The following BRCA1 variants were observed in gnomAD, a reference collection of about 807,000 sequenced individuals.
BRCA1 encodes the protein breast cancer type 1 susceptibility protein.
A neutral mutation model predicts 173.7 loss-of-function variants in BRCA1; 140 were observed. That is an observed-to-expected ratio of 0.81 (90% CI 0.70 to 0.93). BRCA1 has a LOEUF of 0.93. Ranked by LOEUF, BRCA1 falls within the 40% of genes least tolerant of loss-of-function variation. The pLI is 0.00. For synonymous variants in BRCA1, 662 were observed against 756.0 expected (o/e 0.88, Z 2.04); for missense variants, 1,983 against 2,172.5 (o/e 0.91, Z 1.73).
chr17:43,076,702 C>T (rs2052752652), intron 12 of BRCA1, 88 bp from the exon 13 acceptor site: 2 of 1,511,558 alleles, frequency 1.3e-6, no homozygotes, highest in African/African-American at 1.4e-5. Context: ...TTTTCAAAAG[C>T]ATCAATCTAT....
chr17:43,077,580 C>T lies in BRCA1; in HGVS notation c.4358-966G>A, dbSNP rs529272463. ...AACTCCTGACCTCAAGTGATCCACC[C>T]GCCTTGGCCTCCCAAAGTGCGGGGA... On this transcript the variant is annotated intron_variant, in intron 12 of 22. Transcript: ENST00000357654. 5.3e-5 allele frequency among the ~76,000 whole-genome samples: 8 copies of T among 151,890 alleles called. No individual in the cohort carries two copies. The East Asian group carries it at 1.6e-3, about 30-fold the overall frequency.
At chr17:43,067,065 G>T (rs971922978) in intron 16 of BRCA1, among the ~76,000 whole-genome samples, 3 of 151,482 alleles carry the variant, frequency 2.0e-5, no homozygotes, top group Non-Finnish European at 4.4e-5. Context: ...TGATCCACCC[G>T]CCTCGGCCTC....
chr17:43,105,794 C>T (rs2054735361), intron 4 of BRCA1, among the ~76,000 whole-genome samples: 1 of 152,060 alleles, frequency 6.6e-6, no homozygotes, highest in South Asian at 2.1e-4. Context: ...ATAGAATTTA[C>T]ATTGTAGCAG....
intron 1 of BRCA1, among the ~76,000 whole-genome samples, chr17:43,135,435 T>C (rs1466378080): frequency 1.3e-5 from 2 of 152,228 alleles, no homozygotes; most frequent in East Asian, 3.9e-4. Flanking sequence ...TATTAGGCTA[T>C]AGGGCCAGTG....
chr17:43,054,284 C>T (rs1445562911), intron 19 of BRCA1, among the ~76,000 whole-genome samples: 1 of 152,206 alleles, frequency 6.6e-6, no homozygotes, highest in East Asian at 1.9e-4. Context: ...GGAACAATTA[C>T]TTGATAGGCT....
At chr17:43,138,741 T>C in intron 1 of BRCA1, 2 of 779,182 alleles carry the variant, frequency 2.6e-6, no homozygotes, top group South Asian at 2.7e-5. Flanking sequence ...GAATTTGGAA[T>C]GTGGAAAGGA....
chr17:43,096,022 A>G, intron 8 of BRCA1, 100 bp from the exon 9 acceptor site: 1 of 954,308 alleles, frequency 1.0e-6, no homozygotes, highest in Non-Finnish European at 1.6e-6. Flanking sequence ...TCGATTACAG[A>G]AAGCTGACCA....
exon 1 of BRCA1, chr17:43,170,147 C>A (rs2056318253): frequency 8.7e-6 from 2 of 229,424 alleles, no homozygotes; most frequent in Middle Eastern, 1.3e-3. Flanking sequence ...AGGGTCTCAC[C>A]CCAACGCGGC....
chr17:43,088,093 T>C (rs1301043325), intron 11 of BRCA1, among the ~76,000 whole-genome samples: 1 of 152,200 alleles, frequency 6.6e-6, no homozygotes, highest in Non-Finnish European at 1.5e-5. Context: ...CAAGCACCCC[T>C]GTGCACACAC....
rs397507198 is a variant in BRCA1, at chr17:43,093,250, C to G, written c.2281G>C (p.Glu761Gln). ...MLSGERVLQT[E>Q]RSVESSSISL... ...ATACTGCTACTCTCTACAGATCTTTCAGTTTGCAAAACCCTTTCTCCACTT... is the reference window on the plus strand; with the variant it reads ...ATACTGCTACTCTCTACAGATCTTTGAGTTTGCAAAACCCTTTCTCCACTT... Residue 761 changes from glutamate to glutamine, a missense_variant, in exon 10 of 23, where the codon GAA becomes CAA. Coordinates refer to ENST00000357654, the MANE Select transcript of BRCA1 (RefSeq NM_007294.4). 1 of 1,614,086 alleles carries G rather than the reference C, an allele frequency of 6.2e-7. No individual in the cohort carries two copies. The highest frequency in any genetic ancestry group is 1.1e-5 in the South Asian group (1 of 91,076).
Position 43,095,904 on chromosome 17 carries a change from C to T in BRCA1, c.612G>A (p.Leu204=), listed in dbSNP as rs80357394. The T allele has an allele frequency of 6.2e-7, 1 of 1,613,546 alleles. No individual in the cohort carries two copies. The highest frequency in any genetic ancestry group is 8.5e-7 in the Non-Finnish European group (1 of 1,179,604). The stretch of plus-strand genomic sequence containing the variant: ...TGGTTCCTTGAGGGGTGATTTGTAA[C>T]AATTCTTGATCTCCCACACTATAGG... ...ATYCSVGDQE[L]LQITPQGTRD... The change falls in exon 9 of 23, where the codon TTG becomes TTA. Residue 204 remains leucine (L), a synonymous_variant. Transcript: ENST00000357654.
chr17:43,126,647 G>A (rs1208071615), upstream of BRCA1, among the ~76,000 whole-genome samples: 1 of 152,234 alleles, frequency 6.6e-6, no homozygotes, highest in Non-Finnish European at 1.5e-5. Flanking sequence ...CCGGAGAGTT[G>A]GAGAGTCTGT....
intron 1 of BRCA1, among the ~76,000 whole-genome samples, chr17:43,137,914 C>T (rs534167711): frequency 2.6e-5 from 4 of 151,938 alleles, no homozygotes; most frequent in Admixed American, 6.6e-5. Context: ...AGGCCGGGCG[C>T]GGTGTCTCGC....
chr17:43,161,142 CA>C (rs1347242136), intron 1 of BRCA1: 2 of 152,190 alleles, frequency 1.3e-5, no homozygotes, highest in African/African-American at 4.8e-5. Flanking sequence ...CAGCTGCTAG[CA>C]AGTAGTCGAG....
At chr17:43,067,772 G>T (rs2153724478) in intron 15 of BRCA1, 77 bp from the exon 16 acceptor site, 2 of 1,128,308 alleles carry the variant, frequency 1.8e-6, no homozygotes, top group Non-Finnish European at 2.7e-6. Flanking sequence ...TTCCACCATG[G>T]CATATGTTTA....
chr17:43,093,915 G>A lies in BRCA1; in HGVS notation c.1616C>T (p.Thr539Met), dbSNP rs80357374. The stretch of plus-strand genomic sequence containing the variant: ...ATTCATCACTTGACCATTCTGCTCC[G>A]TTTGGTTAGTTCCCTGATTTATCAT... The part of the protein sequence containing the change: ...PEMINQGTNQ[T>M]EQNGQVMNIT... The change falls in exon 10 of 23, where the codon ACG (threonine) becomes ATG (methionine). Residue 539 changes from threonine to methionine, a missense_variant. Thr to Met is a moderately conservative substitution (Grantham distance 81). Coordinates refer to ENST00000357654, the MANE Select transcript of BRCA1 (RefSeq NM_007294.4). 81 of 1,613,808 alleles carry A rather than the reference G, an allele frequency of 5.0e-5. No homozygotes were observed. Among genetic ancestry groups the A allele is most frequent in the Middle Eastern group, 5.0e-4 (3 of 6,052 alleles).
intron 18 of BRCA1, among the ~76,000 whole-genome samples, chr17:43,058,019 C>CAAA (rs68106056): frequency 0.011 from 384 of 34,462 alleles, 52 homozygotes; most frequent in African/African-American, 0.034. Context: ...AACTCTGTCT[C>CAAA]AAAAAAAAAA....
At chr17:43,053,314 G>A (rs550272207) in intron 19 of BRCA1, among the ~76,000 whole-genome samples, 1 of 152,324 alleles carries the variant, frequency 6.6e-6, no homozygotes, top group Admixed American at 6.5e-5. Flanking sequence ...GATTAGGAAT[G>A]TTTATATCCA....
At chr17:43,096,014 G>C in intron 8 of BRCA1, 92 bp from the exon 9 acceptor site, 1 of 1,055,122 alleles carries the variant, frequency 9.5e-7, no homozygotes, top group African/African-American at 1.6e-5. Context: ...TAGCTCTTTC[G>C]ATTACAGAAA....
Sources: gnomAD v4.1 joint callset for allele counts (sites outside exome capture counted in the v4.1 genomes callset) on GRCh38, gnomAD v4.1.1 for gene constraint, MANE v1.5 for transcripts, NCBI Gene and HGNC (gene_info 2026-07-23, HGNC 2026-07-21) for gene names.